Variants in OSBPL3 observed in about 807,000 individuals in gnomAD.
OSBPL3 encodes oxysterol binding protein like 3, also known as oxysterol-binding protein-related protein 3.
OSBPL3 carries 65 observed loss-of-function variants against 120.1 expected under a neutral mutation model. That is an observed-to-expected ratio of 0.54 (90% confidence interval 0.44 to 0.67). The LOEUF is 0.67. OSBPL3 is among the 30% of genes least tolerant of loss of function. The pLI, the probability that OSBPL3 is intolerant of heterozygous loss-of-function variation, is 0.00. For missense variants in OSBPL3, 1,004 were observed against 1,082.1 expected (o/e 0.93, Z 1.01); for synonymous variants, 416 against 402.6 (o/e 1.03, Z -0.40).
rs1562783965 is a variant in OSBPL3 at position 24,827,311 on chromosome 7, C to A, written c.1884+3457G>T. Among the ~76,000 whole-genome samples the A allele has an allele frequency of 6.6e-6, 1 of 152,178 alleles. No individual in the cohort carries two copies. Among genetic ancestry groups the A allele is most frequent in the East Asian group, 1.9e-4 (1 of 5,196 alleles). ...AGCCATACCAGGTACCAGCAGGAAA[C>A]AGAATAAATGCTCTGGCACTCTCTT... On this transcript the variant is annotated intron_variant, in intron 16 of 22. Transcript: ENST00000313367. The surrounding 1 kb of genome is among the most constrained non-coding windows in gnomAD (Gnocchi z 5.1).
Position 24,800,114 on chromosome 7 carries a change from CAGGTT to C in OSBPL3, c.*64_*68del, listed in dbSNP as rs917026651. ...AGAGTATCTTTTAAATATATAAACA[CAGGTT>C]TGTGCCACTTCAGAAGGCAAGCACA... On this transcript the variant is annotated 3_prime_UTR_variant, in exon 23 of 23. Transcript: ENST00000313367. The C allele has an allele frequency of 1.2e-6, 1 of 822,914 alleles. No homozygotes were observed. The highest frequency in any genetic ancestry group is 2.1e-6 in the Non-Finnish European group (1 of 473,922). 51.0% of individuals were successfully genotyped at this position (822,914 alleles called of 1,614,324 possible).
chr7:24,827,027 G>T lies in OSBPL3; in HGVS notation c.1884+3741C>A, dbSNP rs535164427. 2.6e-5 allele frequency among the ~76,000 whole-genome samples: 4 copies of T among 152,310 alleles called. No individual in the cohort carries two copies. Among genetic ancestry groups the T allele is most frequent in the South Asian group, 2.1e-4 (1 of 4,824 alleles). On this transcript the variant is annotated intron_variant, in intron 16 of 22. Coordinates refer to ENST00000313367, the MANE Select transcript of OSBPL3 (RefSeq NM_015550.4). This position sits in a 1 kb window ranked among gnomAD's most constrained non-coding sequence, Gnocchi z 5.1. The stretch of plus-strand genomic sequence containing the variant: ...GAAAACTCAGAAGAAAAGCCAAGCT[G>T]TTTCTTGCCAGGTCCTTAAGCTTGG...
rs1812528199 is a variant in OSBPL3 at position 24,937,188 on chromosome 7, C to A, written c.-150+42698G>T. Among the ~76,000 whole-genome samples, 2 of 152,084 alleles carry A rather than the reference C, an allele frequency of 1.3e-5. No individual in the cohort carries two copies. Among genetic ancestry groups the A allele is most frequent in the Non-Finnish European group, 2.9e-5 (2 of 68,016 alleles). On this transcript the variant is annotated intron_variant, in intron 1 of 22. Transcript: ENST00000313367. This position sits in a 1 kb window ranked among gnomAD's most constrained non-coding sequence, Gnocchi z 4.0. ...GGGAAAAGGCCCTTATATTATAAAA[C>A]CATCAGATGTAGTGAGAACTAACTT...
chr7:24,801,914 C>A (rs756683936), intron 22 of OSBPL3, among the ~76,000 whole-genome samples: 1 of 152,204 alleles, frequency 6.6e-6, no homozygotes, highest in Non-Finnish European at 1.5e-5. Context: ...AGGTACCCCA[C>A]TGATGGGTAC....
chr7:24,866,380 G>C, intron 5 of OSBPL3, 143 bp from the exon 6 acceptor site: 1 of 686,390 alleles, frequency 1.5e-6, no homozygotes, highest in South Asian at 1.7e-5. Flanking sequence ...GCTGATGCCT[G>C]TAATTCCAGC....
rs1178809311 is a variant in OSBPL3, at chr7:24,965,771, G to A, written c.-150+14115C>T. The stretch of plus-strand genomic sequence containing the variant: ...TCAGTATTCTAACCAGGCTGGTTTT[G>A]AACTCCTAACCTCAAGCAATCCTCC... On this transcript the variant is annotated intron_variant, in intron 1 of 22. Transcript: ENST00000313367. This position sits in a 1 kb window ranked among gnomAD's most constrained non-coding sequence, Gnocchi z 4.3. 1.3e-5 allele frequency among the ~76,000 whole-genome samples: 2 copies of A among 152,092 alleles called. No individual in the cohort carries two copies. The highest frequency in any genetic ancestry group is 3.9e-4 in the East Asian group (2 of 5,192).
rs900526541 is a variant in OSBPL3 at position 24,899,059 on chromosome 7, C to G, written c.-149-6438G>C. Among the ~76,000 whole-genome samples the G allele has an allele frequency of 6.6e-6, 1 of 152,170 alleles. No individual in the cohort carries two copies. The highest frequency in any genetic ancestry group is 2.1e-4 in the South Asian group (1 of 4,828). The stretch of plus-strand genomic sequence containing the variant: ...ACTGAAACCACCACCATCCCCACAT[C>G]CCACCCAGCAAATCTTTTCTTCTCC... On this transcript the variant is annotated intron_variant, in intron 1 of 22. Coordinates refer to ENST00000313367, the MANE Select transcript of OSBPL3 (RefSeq NM_015550.4). This position sits in a 1 kb window ranked among gnomAD's most constrained non-coding sequence, Gnocchi z 4.0.
At chr7:24,911,018 G>T (rs139975739) in intron 1 of OSBPL3, among the ~76,000 whole-genome samples, 138 of 152,330 alleles carry the variant, frequency 9.1e-4, no homozygotes, top group Non-Finnish European at 1.5e-3. Flanking sequence ...AGGTGATTTG[G>T]ATACACAGCA....
intron 1 of OSBPL3, among the ~76,000 whole-genome samples, chr7:24,934,496 T>C (rs901322064): frequency 2.0e-5 from 3 of 152,184 alleles, no homozygotes; most frequent in African/African-American, 7.2e-5. Context: ...ATCAAAAACA[T>C]ATCTATCTTT....
At chr7:24,889,875 C>T (rs1438431083) in intron 2 of OSBPL3, among the ~76,000 whole-genome samples, 2 of 152,330 alleles carry the variant, frequency 1.3e-5, no homozygotes, top group East Asian at 1.9e-4. Context: ...CACAGCCTCA[C>T]AGCCAGGCGC....
chr7:24,911,883 GT>G (rs1323180153), intron 1 of OSBPL3, among the ~76,000 whole-genome samples: 5 of 152,172 alleles, frequency 3.3e-5, no homozygotes, highest in African/African-American at 1.2e-4. Flanking sequence ...GAGTAAACAG[GT>G]TTTAAAAAGG....
rs1291430990 is a variant in OSBPL3 at position 24,805,769 on chromosome 7, C to T, written c.2444+1007G>A. Among the ~76,000 whole-genome samples, 1 of 152,126 alleles carries T rather than the reference C, an allele frequency of 6.6e-6. No homozygotes were observed. The highest frequency in any genetic ancestry group is 2.4e-5 in the African/African-American group (1 of 41,408). On this transcript the variant is annotated intron_variant, in intron 21 of 22. Coordinates refer to ENST00000313367, the MANE Select transcript of OSBPL3 (RefSeq NM_015550.4). This position sits in a 1 kb window ranked among gnomAD's most constrained non-coding sequence, Gnocchi z 4.0. Reference sequence around the variant, plus strand: ...CACATCTCTTTTAGGCATTTGCTAACAACAGTGTTCAATCCCTGCAAAATG... The same window carrying T: ...CACATCTCTTTTAGGCATTTGCTAATAACAGTGTTCAATCCCTGCAAAATG...
Position 24,855,186 on chromosome 7 carries a change from C to A in OSBPL3, c.1028-2552G>T, listed in dbSNP as rs1157143544. ...CTATTAGATAGGCACTATGCCCCTC[C>A]CCTGCCTGCCACACACACAGGATGC... On this transcript the variant is annotated intron_variant, in intron 10 of 22. Transcript: ENST00000313367. This position sits in a 1 kb window ranked among gnomAD's most constrained non-coding sequence, Gnocchi z 4.3. 6.6e-6 allele frequency among the ~76,000 whole-genome samples: 1 copy of A among 152,166 alleles called. No homozygotes were observed. The highest frequency in any genetic ancestry group is 2.4e-5 in the African/African-American group (1 of 41,438).
At position 24,839,991 on chromosome 7, in the gene OSBPL3, C is replaced by CAAAAAAAAAAA. The variant is rs71675250; in HGVS notation, c.1495+688_1495+698dup. ...GGGGACAGAAAGAGACTCCATCTCA[C>CAAAAAAAAAAA]AAAAAAAAAAAAAAAAAAAAAAAAA... is the stretch of plus-strand genomic sequence containing the variant. On this transcript the variant is annotated intron_variant, in intron 14 of 22. Transcript: ENST00000313367. Among the ~76,000 whole-genome samples, 76 of 53,276 alleles carry CAAAAAAAAAAA rather than the reference C, an allele frequency of 1.4e-3. 2 individuals are homozygous for CAAAAAAAAAAA. The highest frequency in any genetic ancestry group is 3.8e-3 in the East Asian group (7 of 1,840). The allele number at this position is 53,276 out of a possible 152,430, so 35.0% of individuals were successfully genotyped here.
chr7:24,812,762 T>C (rs1352492136), intron 19 of OSBPL3, among the ~76,000 whole-genome samples: 1 of 152,104 alleles, frequency 6.6e-6, no homozygotes, highest in African/African-American at 2.4e-5. Context: ...GTGGTAAAAA[T>C]GGTGGGGCAC....
chr7:24,845,688 T>C (rs1386513114), intron 12 of OSBPL3, among the ~76,000 whole-genome samples: 1 of 151,830 alleles, frequency 6.6e-6, no homozygotes, highest in African/African-American at 2.4e-5. Flanking sequence ...CTAATCAACA[T>C]TCCTTTTGCA....
chr7:24,853,407 AG>A (rs1799417627), intron 10 of OSBPL3, among the ~76,000 whole-genome samples: 1 of 152,226 alleles, frequency 6.6e-6, no homozygotes, highest in African/African-American at 2.4e-5. Context: ...CCCCAGAATG[AG>A]AAACATTTTA....
intron 14 of OSBPL3, among the ~76,000 whole-genome samples, chr7:24,836,072 T>C (rs1433660414): frequency 6.6e-6 from 1 of 151,736 alleles, no homozygotes; most frequent in African/African-American, 2.4e-5. Flanking sequence ...AACCTAAGAG[T>C]TTAATAAATC....
At chr7:24,875,442 T>C (rs1300746041) in intron 2 of OSBPL3, among the ~76,000 whole-genome samples, 1 of 152,236 alleles carries the variant, frequency 6.6e-6, no homozygotes, top group East Asian at 1.9e-4. Flanking sequence ...GACTTTTACA[T>C]ATTGAAATAT....
Sources: allele counts gnomAD v4.1 joint callset (sites outside exome capture counted in the v4.1 genomes callset), GRCh38; gene constraint gnomAD v4.1.1; non-coding constraint Gnocchi (gnomAD v3.1); transcripts MANE v1.5; gene names NCBI Gene and HGNC (gene_info 2026-07-23, HGNC 2026-07-21).